MYO5C: variants seen among roughly 807,000 people sequenced by gnomAD.
The protein encoded by MYO5C is unconventional myosin-Vc.
In MYO5C, 194 loss-of-function variants were observed where a neutral mutation model predicts 235.7. The observed-to-expected ratio is 0.82, with a 90% CI of 0.73 to 0.93. The LOEUF (loss-of-function observed/expected upper bound fraction) is 0.93. Among genes scored for constraint, MYO5C ranks in the 40% least tolerant of loss-of-function variants. The pLI is 0.00. For synonymous variants in MYO5C, 707 were observed against 754.8 expected, an observed-to-expected ratio of 0.94 and a Z score of 1.04; for missense variants, 2,038 against 2,127.2, an observed-to-expected ratio of 0.96 and a Z score of 0.82.
chr15:52,232,807 T>C, intron 23 of MYO5C, 122 bp from the exon 24 acceptor site: 1 of 826,608 alleles, frequency 1.2e-6, no homozygotes, highest in Non-Finnish European at 2.0e-6. Context: ...TAACAGGACT[T>C]ACAATGAGAG....
chr15:52,268,270 C>T (rs2036852633), intron 8 of MYO5C, among the ~76,000 whole-genome samples: 1 of 152,064 alleles, frequency 6.6e-6, no homozygotes, highest in Non-Finnish European at 1.5e-5. Flanking sequence ...TTCAGCAAGA[C>T]GTAGAAATGG....
chr15:52,205,050 G>T lies in MYO5C; in HGVS notation c.4635C>A (p.Gly1545=), dbSNP rs1216171163. The change falls in exon 38 of 41, where the codon GGC becomes GGA. Residue 1545 remains glycine (G), a synonymous_variant. Coordinates refer to ENST00000261839, the MANE Select transcript of MYO5C (RefSeq NM_018728.4). The part of the protein sequence containing the change: ...KRSSSIDDTD[G]YTMTSVLQQL... ...GTTGCAGGACGGAGGTCATGGTGTA[G>T]CCGTCCGTGTCGTCTATGCTAGAGG... The T allele has an allele frequency of 6.2e-7, 1 of 1,614,116 alleles. No individual in the cohort carries two copies. The highest frequency in any genetic ancestry group is 8.5e-7 in the Non-Finnish European group (1 of 1,180,038).
intron 10 of MYO5C, among the ~76,000 whole-genome samples, chr15:52,259,954 C>T (rs1420000571): frequency 6.6e-6 from 1 of 152,216 alleles, no homozygotes; most frequent in Non-Finnish European, 1.5e-5. Flanking sequence ...TGGGGAAGAT[C>T]CCCCAATCCA....
rs368931124 is a variant in MYO5C, at chr15:52,272,720, C to T, written c.610G>A (p.Val204Ile). ...VLASNPITEA[V>I]GNAKTTRNDN... ...TTGCGGGTGGTCTTGGCATTTCCAACGGCCTAAAAAAAATAAGACTCTATT... is the reference window on the plus strand; with the variant it reads ...TTGCGGGTGGTCTTGGCATTTCCAATGGCCTAAAAAAAATAAGACTCTATT... The change falls in exon 6 of 41, where the codon GTT becomes ATT. Residue 204 changes from valine to isoleucine, a missense_variant. Val to Ile is a conservative substitution (Grantham distance 29). Transcript: ENST00000261839. 2.2e-5 allele frequency: 35 copies of T among 1,608,692 alleles called. No individual in the cohort carries two copies. Among genetic ancestry groups the T allele is most frequent in the Non-Finnish European group, 2.5e-5 (29 of 1,178,588 alleles).
rs1289161044 is a variant in MYO5C, at chr15:52,239,721, A to G, written c.2703+12T>C. On this transcript the variant is annotated intron_variant, in intron 21 of 40. Transcript: ENST00000261839. ...AAAAAGTAAATGTAAAAGATGCACT[A>G]TGAGCACCTACCTGATCTTCCAACT... 1.1e-5 allele frequency: 17 copies of G among 1,587,870 alleles called. No homozygotes were observed. Among genetic ancestry groups the G allele is most frequent in the Non-Finnish European group, 1.5e-5 (17 of 1,163,988 alleles).
rs958531379 is a variant in MYO5C at position 52,286,464 on chromosome 15, G to C, written c.28-3572C>G. 1.5e-4 allele frequency among the ~76,000 whole-genome samples: 23 copies of C among 152,246 alleles called. 1 individual carries two copies. Among genetic ancestry groups the C allele is most frequent in the African/African-American group, 5.1e-4 (21 of 41,472 alleles). The stretch of plus-strand genomic sequence containing the variant: ...GTGCCCAACAGCTCATTGAGAACGG[G>C]CCATGATGACAATGGCAGTTTTGTG... On this transcript the variant is annotated intron_variant, in intron 1 of 40. Transcript: ENST00000261839.
intron 11 of MYO5C, 26 bp downstream of exon 11, chr15:52,256,613 G>C (rs752420629): frequency 3.3e-6 from 5 of 1,531,490 alleles, no homozygotes; most frequent in East Asian, 4.5e-5. Context: ...CTGAGAACTA[G>C]TCAAGAAGGC....
chr15:52,272,687 T>C lies in MYO5C; in HGVS notation c.643A>G (p.Ser215Gly), dbSNP rs757757272. ...TCTGTGTATTTCCCAAACCGACTAC[T>C]ATTGTCATTGCGGGTGGTCTTGGCA... is the stretch of plus-strand genomic sequence containing the variant. ...GNAKTTRNDN[S>G]SRFGKYTEIS... The change falls in exon 6 of 41, where the codon AGT becomes GGT. Residue 215 changes from serine to glycine, a missense_variant. Coordinates refer to ENST00000261839, the MANE Select transcript of MYO5C (RefSeq NM_018728.4). 3 of 1,614,034 alleles carry C rather than the reference T, an allele frequency of 1.9e-6. No homozygotes were observed. The highest frequency in any genetic ancestry group is 1.3e-5 in the African/African-American group (1 of 74,946).
chr15:52,218,419 G>C, intron 32 of MYO5C, 100 bp downstream of exon 32: 1 of 1,158,698 alleles, frequency 8.6e-7, no homozygotes, highest in Non-Finnish European at 1.2e-6. Context: ...AAGGACTTTT[G>C]GTCTATAGAT....
intron 36 of MYO5C, among the ~76,000 whole-genome samples, chr15:52,206,806 C>T (rs2035325974): frequency 6.6e-6 from 1 of 152,026 alleles, no homozygotes; most frequent in Admixed American, 6.6e-5. Flanking sequence ...TTAACATGTT[C>T]AAAGAGACTA....
chr15:52,248,336 G>A (rs1007088591), intron 14 of MYO5C, among the ~76,000 whole-genome samples: 7 of 152,004 alleles, frequency 4.6e-5, no homozygotes, highest in Non-Finnish European at 8.8e-5. Flanking sequence ...AGAAGAGACA[G>A]GGTCTTGCTT....
At chr15:52,294,472 G>A (rs1490715993) in intron 1 of MYO5C, among the ~76,000 whole-genome samples, 5 of 152,204 alleles carry the variant, frequency 3.3e-5, no homozygotes, top group Non-Finnish European at 5.9e-5. Context: ...CTGTTACTAA[G>A]TAATCAAAGT....
intron 29 of MYO5C, among the ~76,000 whole-genome samples, chr15:52,222,003 A>G (rs994158082): frequency 4.6e-5 from 7 of 152,212 alleles, no homozygotes; most frequent in Non-Finnish European, 8.8e-5. Flanking sequence ...ATAGTATTTG[A>G]TAAGTTACAT....
rs762025446 is a variant in MYO5C, at chr15:52,239,752, T to G, written c.2684A>C (p.Gln895Pro). The G allele has an allele frequency of 1.9e-6, 3 of 1,599,124 alleles. No individual in the cohort carries two copies. The highest frequency in any genetic ancestry group is 2.6e-6 in the Non-Finnish European group (3 of 1,173,084). ...ACCTACCTGATCTTCCAACTTTTTC[T>G]GCAAACGCTGGACCCTGTAAGTAAG... The part of the protein sequence containing the change: ...IQLTYRVQRL[Q>P]KKLEDQNKEN... Residue 895 changes from glutamine to proline, a missense_variant, in exon 21 of 41, where the codon CAG (glutamine) becomes CCG (proline). Gln to Pro is a moderately conservative substitution (Grantham distance 76, BLOSUM62 -1). Transcript: ENST00000261839.
chr15:52,292,366 C>G (rs1248950642), intron 1 of MYO5C, among the ~76,000 whole-genome samples: 1 of 152,156 alleles, frequency 6.6e-6, no homozygotes, highest in Non-Finnish European at 1.5e-5. Flanking sequence ...GGCGGTTGAA[C>G]CAAGGTGGTG....
intron 38 of MYO5C, among the ~76,000 whole-genome samples, chr15:52,197,942 A>G (rs1295888249): frequency 6.6e-6 from 1 of 152,016 alleles, no homozygotes; most frequent in African/African-American, 2.4e-5. Context: ...GGCCTGAACT[A>G]TATACTTTAA....
intron 31 of MYO5C, among the ~76,000 whole-genome samples, chr15:52,219,476 A>G (rs192307187): frequency 1.7e-3 from 262 of 152,336 alleles, no homozygotes; most frequent in African/African-American, 6.1e-3. Flanking sequence ...AGTGAAAAGT[A>G]CGTGTCCTCC....
chr15:52,197,873 C>T (rs2035089811), intron 38 of MYO5C, among the ~76,000 whole-genome samples: 1 of 151,756 alleles, frequency 6.6e-6, no homozygotes, highest in Non-Finnish European at 1.5e-5. Flanking sequence ...TGGCCTCAAG[C>T]AATCTGCCTG....
At chr15:52,222,408 G>C (rs116134862) in intron 29 of MYO5C, among the ~76,000 whole-genome samples, 54 of 152,182 alleles carry the variant, frequency 3.5e-4, no homozygotes, top group Non-Finnish European at 6.8e-4. Flanking sequence ...GGGAGAGGAG[G>C]GGGTAGTAAG....
Sources: allele counts gnomAD v4.1 joint callset (sites outside exome capture counted in the v4.1 genomes callset), GRCh38; gene constraint gnomAD v4.1.1; transcripts MANE v1.5; gene names NCBI Gene and HGNC (gene_info 2026-07-23, HGNC 2026-07-21).